Variants in GGH observed in about 807,000 individuals in gnomAD.
GGH encodes gamma-glutamyl hydrolase.
In GGH, 18 loss-of-function variants were observed where a neutral mutation model predicts 39.2. That is an observed-to-expected ratio of 0.46 (90% CI 0.32 to 0.68). The LOEUF is 0.68. Among genes scored for constraint, GGH ranks in the 30% least tolerant of loss-of-function variants. The probability of loss-of-function intolerance (pLI) is 0.04; values close to 1 mark genes in which losing one functional copy is unlikely to be tolerated. For missense variants in GGH, 367 were observed against 384.1 expected, an observed-to-expected ratio of 0.96 and a Z score of 0.37; for synonymous variants, 147 against 138.8, an observed-to-expected ratio of 1.06 and a Z score of -0.42.
intron 2 of GGH, among the ~76,000 whole-genome samples, chr8:63,035,206 G>C (rs1490031030): frequency 6.6e-6 from 1 of 152,178 alleles, no homozygotes; most frequent in Non-Finnish European, 1.5e-5. Flanking sequence ...AATTCAATGA[G>C]AGACTCTAAG....
At chr8:63,028,994 GTT>G (rs1804751321) in intron 3 of GGH, among the ~76,000 whole-genome samples, 1 of 152,174 alleles carries the variant, frequency 6.6e-6, no homozygotes, top group African/African-American at 2.4e-5. Flanking sequence ...CATTGTAAAT[GTT>G]TTACTAAATT....
At chr8:63,026,847 T>C (rs1249639046) in intron 4 of GGH, among the ~76,000 whole-genome samples, 2 of 147,926 alleles carry the variant, frequency 1.4e-5, no homozygotes, top group Non-Finnish European at 3.0e-5. Context: ...CAAGAAGAGG[T>C]GAGAATTAAT....
chr8:63,038,523 C>T, intron 1 of GGH, 137 bp downstream of exon 1: 1 of 458,530 alleles, frequency 2.2e-6, no homozygotes, highest in Non-Finnish European at 3.9e-6. Flanking sequence ...AGCCCGGGTT[C>T]CTCCTTGCAC....
At chr8:63,035,526 G>C (rs1025292492) in intron 2 of GGH, 130 bp downstream of exon 2, 1 of 1,331,580 alleles carries the variant, frequency 7.5e-7, no homozygotes, top group Non-Finnish European at 9.8e-7. Flanking sequence ...GGCTGGTCTC[G>C]AACTCCTGAC....
chr8:63,027,105 C>G (rs1441930515), intron 4 of GGH, 76 bp downstream of exon 4: 2 of 787,456 alleles, frequency 2.5e-6, no homozygotes, highest in Non-Finnish European at 4.6e-6. Flanking sequence ...GCATTACCAT[C>G]TGCTTAAAAA....
chr8:63,033,608 T>C (rs1804844931), intron 2 of GGH, among the ~76,000 whole-genome samples: 1 of 151,140 alleles, frequency 6.6e-6, no homozygotes, highest in South Asian at 2.1e-4. Context: ...GTTATGATTT[T>C]ACTTCATTTA....
At chr8:63,018,510 T>C (rs964280369) in intron 7 of GGH, among the ~76,000 whole-genome samples, 2 of 152,230 alleles carry the variant, frequency 1.3e-5, no homozygotes, top group Non-Finnish European at 2.9e-5. Context: ...CTCATCCCAG[T>C]AAGCTTTCTG....
rs140338692 is a variant in GGH at position 63,038,279 on chromosome 8, G to A, written c.109+381C>T. ...AAATACGCCATCAATACATTTTGAT[G>A]AATGCAATGCATGTACAGAATTTGT... On this transcript the variant is annotated intron_variant, in intron 1 of 8. Coordinates refer to ENST00000260118, the MANE Select transcript of GGH (RefSeq NM_003878.3). Among the ~76,000 whole-genome samples, 135 of 152,314 alleles carry A rather than the reference G, an allele frequency of 8.9e-4. 1 individual carries two copies. In the Middle Eastern group the frequency reaches 0.024, roughly 27 times the overall value.
chr8:63,034,035 AATAT>A (rs1371556964), intron 2 of GGH, among the ~76,000 whole-genome samples: 4 of 145,990 alleles, frequency 2.7e-5, no homozygotes, highest in African/African-American at 1.0e-4. Flanking sequence ...TATATATAAA[AATAT>A]ATATATATTT....
chr8:63,021,049 A>G (rs1261236908), intron 7 of GGH, among the ~76,000 whole-genome samples: 3 of 152,170 alleles, frequency 2.0e-5, no homozygotes, highest in African/African-American at 7.2e-5. Context: ...GCCCAGTGAG[A>G]AGGACTCTCA....
At position 63,035,677 on chromosome 8, in the gene GGH, C is replaced by T; in HGVS notation, c.203G>A (p.Gly68Asp). 1 of 1,611,230 alleles carries T rather than the reference C, an allele frequency of 6.2e-7. No individual in the cohort carries two copies. The highest frequency in any genetic ancestry group is 8.5e-7 in the Non-Finnish European group (1 of 1,179,310). Reference sequence around the variant, plus strand: ...ATACCTTACTGGTACAACTCTCGCACCTGCAGACTCCAAGTACTTTACATA... The same window carrying T: ...ATACCTTACTGGTACAACTCTCGCATCTGCAGACTCCAAGTACTTTACATA... ...ASYVKYLESA[G>D]ARVVPVRLDL... The change falls in exon 2 of 9, where the codon GGT becomes GAT. Residue 68 changes from glycine (G) to aspartate (D), a missense_variant. Gly to Asp is a moderately conservative substitution (Grantham distance 94, BLOSUM62 -1). Coordinates refer to ENST00000260118, the MANE Select transcript of GGH (RefSeq NM_003878.3).
chr8:63,027,107 G>C (rs936113311), intron 4 of GGH, 74 bp downstream of exon 4: 4 of 791,694 alleles, frequency 5.1e-6, no homozygotes, highest in Admixed American at 1.7e-5. Context: ...ATTACCATCT[G>C]CTTAAAAAAT....
At chr8:63,016,319 C>G (rs1300674418) in intron 8 of GGH, among the ~76,000 whole-genome samples, 7 of 147,996 alleles carry the variant, frequency 4.7e-5, no homozygotes, top group African/African-American at 1.7e-4. Flanking sequence ...ATATGGGATA[C>G]TTTTTTTTTT....
chr8:63,022,754 C>T (rs1804616044), intron 7 of GGH, among the ~76,000 whole-genome samples: 1 of 151,222 alleles, frequency 6.6e-6, no homozygotes, highest in Non-Finnish European at 1.5e-5. Context: ...TCTTGAACTT[C>T]TGACCTCAGG....
At position 63,015,333 on chromosome 8, in the gene GGH, C is replaced by G; in HGVS notation, c.956G>C (p.Ter319SerextTer6). The change falls in exon 9 of 9, where the codon TGA (stop) becomes TCA (serine). Residue 319 changes from the stop codon to serine (S), a stop_lost. Transcript: ENST00000260118. Reference protein sequence around the residue: ...SSFQQCYIFD* With the variant: ...SSFQQCYIFDS ...GCTCTGTTAACAAATTGAAGACTTT[C>G]AATCAAATATGTAACATTGCTGAAA... is the stretch of plus-strand genomic sequence containing the variant. 1 of 1,379,938 alleles carries G rather than the reference C, an allele frequency of 7.2e-7. No individual in the cohort carries two copies. The highest frequency in any genetic ancestry group is 1.0e-6 in the Non-Finnish European group (1 of 995,026). The allele number at this position is 1,379,938 out of a possible 1,614,324, so 85.5% of individuals were successfully genotyped here.
chr8:63,029,562 G>C (rs187829889), intron 3 of GGH, among the ~76,000 whole-genome samples: 2 of 152,170 alleles, frequency 1.3e-5, no homozygotes, highest in African/African-American at 4.8e-5. Flanking sequence ...CCAGGTCAAA[G>C]GGTATACGTG....
chr8:63,024,062 G>A lies in GGH; in HGVS notation c.606+18C>T, dbSNP rs1442053236. 3 of 1,546,152 alleles carry A rather than the reference G, an allele frequency of 1.9e-6. No homozygotes were observed. The highest frequency in any genetic ancestry group is 1.7e-5 in the Admixed American group (1 of 58,930). On this transcript the variant is annotated intron_variant, in intron 6 of 8. Transcript: ENST00000260118. The stretch of plus-strand genomic sequence containing the variant: ...TTATTCTAAACATATTAATTTCATT[G>A]TGTAATTAGTGTGATACCTTCACGG...
chr8:63,016,330 T>A (rs879162449), intron 8 of GGH, among the ~76,000 whole-genome samples: 4 of 152,118 alleles, frequency 2.6e-5, no homozygotes, highest in African/African-American at 7.2e-5. Flanking sequence ...TTTTTTTTTT[T>A]AATTTGGAGT....
chr8:63,032,943 G>A (rs1804832062), intron 2 of GGH, among the ~76,000 whole-genome samples: 1 of 152,124 alleles, frequency 6.6e-6, no homozygotes, highest in South Asian at 2.1e-4. Flanking sequence ...ATCATGTACT[G>A]GTGATTTTTT....
Sources: gnomAD v4.1 joint callset for allele counts (sites outside exome capture counted in the v4.1 genomes callset) on GRCh38, gnomAD v4.1.1 for gene constraint, MANE v1.5 for transcripts, NCBI Gene and HGNC (gene_info 2026-07-23, HGNC 2026-07-21) for gene names.